Variants in PNPLA8 observed in about 807,000 individuals in gnomAD.
PNPLA8 encodes calcium-independent phospholipase A2-gamma.
Under a neutral mutation model 76.9 loss-of-function variants are expected in PNPLA8, and 39 were observed. The observed-to-expected ratio is 0.51, with a 90% CI of 0.39 to 0.66. The LOEUF (loss-of-function observed/expected upper bound fraction) is 0.66, where lower values mean the gene tolerates loss of function less well. Among genes scored for constraint, PNPLA8 ranks in the 30% least tolerant of loss-of-function variants. The pLI, the probability that PNPLA8 is intolerant of heterozygous loss-of-function variation, is 0.00. For synonymous variants in PNPLA8, 301 were observed against 307.9 expected, an observed-to-expected ratio of 0.98 and a Z score of 0.24; for missense variants, 887 against 918.0, an observed-to-expected ratio of 0.97 and a Z score of 0.44.
intron 9 of PNPLA8, among the ~76,000 whole-genome samples, chr7:108,484,657 GACA>G (rs1177556311): frequency 6.6e-6 from 1 of 152,064 alleles, no homozygotes; most frequent in Non-Finnish European, 1.5e-5. Flanking sequence ...CAAGTCAGAT[GACA>G]ACTTCTTTGT....
At chr7:108,500,569 T>TA (rs1293004584) in intron 5 of PNPLA8, among the ~76,000 whole-genome samples, 2 of 152,214 alleles carry the variant, frequency 1.3e-5, no homozygotes, top group Non-Finnish European at 2.9e-5. Context: ...GGTTTACTGT[T>TA]AGAGTGATCT....
chr7:108,522,400 C>T (rs1282427773), intron 1 of PNPLA8, among the ~76,000 whole-genome samples: 1 of 152,080 alleles, frequency 6.6e-6, no homozygotes, highest in Non-Finnish European at 1.5e-5. Context: ...GTTTCCACAC[C>T]TCCTTATGGT....
chr7:108,518,758 T>C (rs12667615), intron 2 of PNPLA8, among the ~76,000 whole-genome samples: 64,526 of 122,452 alleles, frequency 0.53, 15,907 homozygotes, highest in African/African-American at 0.65. Flanking sequence ...TATATATATA[T>C]ACACACACAC....
chr7:108,522,455 G>A (rs1276056908), intron 1 of PNPLA8, among the ~76,000 whole-genome samples: 2 of 151,814 alleles, frequency 1.3e-5, no homozygotes, highest in Non-Finnish European at 2.9e-5. Context: ...TCAACCAACC[G>A]CCAATTAGAA....
chr7:108,483,231 T>C (rs2154514981), intron 9 of PNPLA8, among the ~76,000 whole-genome samples: 1 of 152,330 alleles, frequency 6.6e-6, no homozygotes, highest in Middle Eastern at 3.4e-3. Context: ...GCTCTTTAGT[T>C]ATAGAATAGC....
rs1270041826 is a variant in PNPLA8 at position 108,487,961 on chromosome 7, ATG to A, written c.1684-10_1684-9del. ...GGTACTTACAGCAGCTACCTAGTGA[ATG>A]AAAAAGTGAACAATTCCATCATTAA... On this transcript the variant is annotated splice_polypyrimidine_tract_variant and intron_variant, in intron 8 of 10. Coordinates refer to ENST00000257694, the MANE Select transcript of PNPLA8 (RefSeq NM_001256007.3). The A allele has an allele frequency of 1.9e-6, 3 of 1,560,944 alleles. No individual in the cohort carries two copies. Among genetic ancestry groups the A allele is most frequent in the Admixed American group, 3.6e-5 (2 of 55,930 alleles).
chr7:108,511,497 A>C (rs1051742878), intron 4 of PNPLA8, among the ~76,000 whole-genome samples: 2 of 152,212 alleles, frequency 1.3e-5, no homozygotes, highest in African/African-American at 4.8e-5. Flanking sequence ...TCCAGTGTTC[A>C]GGAAATGAAA....
intron 4 of PNPLA8, chr7:108,510,923 G>A (rs996246466): frequency 6.3e-7 from 1 of 1,583,756 alleles, no homozygotes; most frequent in African/African-American, 1.3e-5. Flanking sequence ...AGAAGGTGGA[G>A]ATGCTGGCAA....
chr7:108,510,234 T>C (rs1167219231), intron 4 of PNPLA8: 2 of 1,320,676 alleles, frequency 1.5e-6, no homozygotes, highest in East Asian at 2.3e-5. Context: ...GCTGGAACCA[T>C]GGTGGGTGTA....
chr7:108,504,954 T>G (rs1212995088), intron 4 of PNPLA8, among the ~76,000 whole-genome samples: 1 of 152,050 alleles, frequency 6.6e-6, no homozygotes, highest in African/African-American at 2.4e-5. Context: ...TGCATGCCTG[T>G]AATCCCAGCT....
intron 2 of PNPLA8, among the ~76,000 whole-genome samples, chr7:108,519,825 G>C (rs1196599953): frequency 6.6e-6 from 1 of 151,924 alleles, no homozygotes; most frequent in Non-Finnish European, 1.5e-5. Context: ...CAGGGAGAAG[G>C]GAAAACAATT....
intron 9 of PNPLA8, among the ~76,000 whole-genome samples, chr7:108,484,664 T>A (rs1860619138): frequency 6.6e-6 from 1 of 152,178 alleles, no homozygotes; most frequent in African/African-American, 2.4e-5. Flanking sequence ...GATGACAACT[T>A]CTTTGTTAAG....
chr7:108,526,530 A>G (rs1864100780), upstream of PNPLA8, among the ~76,000 whole-genome samples: 1 of 152,118 alleles, frequency 6.6e-6, no homozygotes, highest in Admixed American at 6.5e-5. Context: ...CAGCAGAGAT[A>G]AGCCTCCCTC....
At chr7:108,504,393 T>C (rs1004845814) in intron 4 of PNPLA8, among the ~76,000 whole-genome samples, 3 of 150,666 alleles carry the variant, frequency 2.0e-5, no homozygotes, top group African/African-American at 7.3e-5. Flanking sequence ...CAGATACCTA[T>C]GAATTAGTTA....
intron 2 of PNPLA8, among the ~76,000 whole-genome samples, chr7:108,517,156 T>C (rs554312241): frequency 1.3e-5 from 2 of 152,258 alleles, no homozygotes; most frequent in Admixed American, 6.5e-5. Context: ...ATATAAGAAG[T>C]TGTACCACAT....
At chr7:108,510,545 C>A in intron 4 of PNPLA8, 1 of 1,401,486 alleles carries the variant, frequency 7.1e-7, no homozygotes, top group Non-Finnish European at 1.0e-6. Flanking sequence ...CCCAAAGGTC[C>A]GAAAGGTGTT....
upstream of PNPLA8, chr7:108,526,230 G>C (rs1474902311): frequency 1.5e-5 from 5 of 325,238 alleles, no homozygotes; most frequent in Non-Finnish European, 2.2e-5. Context: ...CGCGGGCCGG[G>C]GTGAGGATTT....
At chr7:108,497,322 T>C (rs1334900942) in intron 6 of PNPLA8, among the ~76,000 whole-genome samples, 161 bp downstream of exon 6, 1 of 152,208 alleles carries the variant, frequency 6.6e-6, no homozygotes, top group African/African-American at 2.4e-5. Flanking sequence ...TGTGCCTAAC[T>C]GGCATAACCA....
At position 108,511,067 on chromosome 7, in the gene PNPLA8, G is replaced by C. The variant is rs990421270; in HGVS notation, c.1206+3077C>G. ...AAAAAAAAAAAAAAAAAAGAAAACT[G>C]GTAACTAAATACAAATAAATTAAGC... On this transcript the variant is annotated intron_variant, in intron 4 of 10. Transcript: ENST00000257694. 4.3e-6 allele frequency: 3 copies of C among 690,624 alleles called. No individual in the cohort carries two copies. The Admixed American group carries it at 9.3e-5, about 21-fold the overall frequency. 42.8% of individuals were successfully genotyped at this position (690,624 alleles called of 1,614,324 possible).
Sources: gnomAD v4.1 joint callset for allele counts (sites outside exome capture counted in the v4.1 genomes callset) on GRCh38, gnomAD v4.1.1 for gene constraint, MANE v1.5 for transcripts, NCBI Gene and HGNC (gene_info 2026-07-23, HGNC 2026-07-21) for gene names.